The following COL5A3 variants were observed in gnomAD, a reference collection of about 807,000 sequenced individuals.
The protein encoded by COL5A3 is collagen alpha-3(V) chain.
A neutral mutation model predicts 250.0 loss-of-function variants in COL5A3; 172 were observed. The ratio of observed to expected loss-of-function variants is 0.69; its 90% confidence interval spans 0.61 to 0.78. The LOEUF (loss-of-function observed/expected upper bound fraction) is 0.78. Among genes scored for constraint, COL5A3 ranks in the 30% least tolerant of loss-of-function variants. COL5A3 has a pLI of 0.00. For missense variants in COL5A3, 2,340 were observed against 2,334.4 expected (o/e 1.00, Z -0.05); for synonymous variants, 937 against 900.4 (o/e 1.04, Z -0.73).
At position 9,968,740 on chromosome 19, in the gene COL5A3, G is replaced by C. The variant is rs777565023; in HGVS notation, c.4153-12C>G. On this transcript the variant is annotated splice_polypyrimidine_tract_variant and intron_variant, in intron 57 of 66. Transcript: ENST00000264828. The surrounding 1 kb of genome is among the most constrained non-coding windows in gnomAD (Gnocchi z 4.1). ...AGGCCAGAGGGCCCCTGGGAGAAGA[G>C]CAAGGGTCAGTTAGGGATTCTCAAA... 8 of 1,606,736 alleles carry C rather than the reference G, an allele frequency of 5.0e-6. No individual in the cohort carries two copies. The South Asian group carries it at 7.8e-5, about 16-fold the overall frequency.
chr19:9,992,487 G>A lies in COL5A3; in HGVS notation c.1848+340C>T, dbSNP rs1056988682. 4.0e-5 allele frequency among the ~76,000 whole-genome samples: 6 copies of A among 151,794 alleles called. No homozygotes were observed. The South Asian group carries it at 1.0e-3, about 26-fold the overall frequency. ...ATGGACATGCAGAAGGCAGAAAAGCGAGAAAAAAAAGACAGACAGGGGCCA... is the reference window on the plus strand; with the variant it reads ...ATGGACATGCAGAAGGCAGAAAAGCAAGAAAAAAAAGACAGACAGGGGCCA... On this transcript the variant is annotated intron_variant, in intron 21 of 66. Transcript: ENST00000264828.
chr19:9,967,233 G>A, intron 62 of COL5A3, 114 bp downstream of exon 62: 1 of 700,960 alleles, frequency 1.4e-6, no homozygotes, highest in Non-Finnish European at 2.2e-6. Flanking sequence ...TGAACACCTA[G>A]TGTGTGCCTG....
chr19:9,998,296 C>A, intron 8 of COL5A3, 147 bp from the exon 9 acceptor site: 1 of 792,636 alleles, frequency 1.3e-6, no homozygotes, highest in Non-Finnish European at 2.0e-6. Flanking sequence ...CTACTGTAAC[C>A]AATATGCACT....
intron 10 of COL5A3, 21 bp downstream of exon 10, chr19:9,997,963 G>A (rs561003172): frequency 1.9e-6 from 3 of 1,613,876 alleles, no homozygotes; most frequent in South Asian, 1.1e-5. Context: ...ACTGGAAGAA[G>A]GAAACACAGC....
chr19:9,963,580 A>C (rs1368432966), intron 64 of COL5A3, among the ~76,000 whole-genome samples: 1 of 73,290 alleles, frequency 1.4e-5, no homozygotes. Flanking sequence ...GGGCGGGTGG[A>C]GGGGGTCTTT....
intron 31 of COL5A3, among the ~76,000 whole-genome samples, chr19:9,983,740 G>A (rs750336182): frequency 9.9e-5 from 15 of 151,122 alleles, no homozygotes; most frequent in Middle Eastern, 3.4e-3. Context: ...AGAGGGGGAC[G>A]CAGTGAGGGA....
intron 1 of COL5A3, among the ~76,000 whole-genome samples, chr19:10,007,158 G>C (rs2087455752): frequency 7.0e-6 from 1 of 143,634 alleles, no homozygotes; most frequent in Admixed American, 6.9e-5. Context: ...TCTCTCCTCT[G>C]ACTTTCCCCT....
intron 41 of COL5A3, 78 bp from the exon 42 acceptor site, chr19:9,977,779 C>A: frequency 1.7e-6 from 2 of 1,167,618 alleles, no homozygotes; most frequent in Non-Finnish European, 1.2e-6. Context: ...CCACCAGGCA[C>A]TGAGTTCTGA....
At chr19:9,997,466 A>T (rs2087289787) in intron 10 of COL5A3, 33 bp from the exon 11 acceptor site, 1 of 1,498,102 alleles carries the variant, frequency 6.7e-7, no homozygotes, top group Admixed American at 1.9e-5. Flanking sequence ...AGTCACAGGA[A>T]GTGCAAAGTT....
rs758923029 is a variant in COL5A3, at chr19:9,983,657, CAGAA to C, written c.2407-1543_2407-1540del. On this transcript the variant is annotated intron_variant, in intron 31 of 66. Transcript: ENST00000264828. ...AGAGAGAGAGAGAAAGAAAGACAGA[CAGAA>C]AGAAAGAAAGAAAAAAGAAGAAAGA... Among the ~76,000 whole-genome samples the C allele has an allele frequency of 6.5e-3, 721 of 110,236 alleles. 10 individuals carry two copies. Among genetic ancestry groups the C allele is most frequent in the East Asian group, 0.041 (163 of 3,970 alleles). 72.3% of individuals were successfully genotyped at this position (110,236 alleles called of 152,430 possible). A position where few individuals can be genotyped will look rare whatever the true frequency, so the allele number is the denominator to read the frequency against.
At chr19:9,971,170 A>C in intron 52 of COL5A3, 35 bp downstream of exon 52, 1 of 1,524,032 alleles carries the variant, frequency 6.6e-7, no homozygotes, top group Non-Finnish European at 8.8e-7. Flanking sequence ...CAGAATTAGG[A>C]AATATGCCAG....
At chr19:9,988,126 C>T (rs902564202) in intron 27 of COL5A3, among the ~76,000 whole-genome samples, 1 of 151,988 alleles carries the variant, frequency 6.6e-6, no homozygotes, top group Non-Finnish European at 1.5e-5. Context: ...TACCACTACT[C>T]GAGAGGCTGA....
Position 10,001,571 on chromosome 19 carries a change from A to C in COL5A3, c.1063T>G (p.Phe355Val). 6.2e-7 allele frequency: 1 copy of C among 1,614,086 alleles called. No homozygotes were observed. Among genetic ancestry groups the C allele is most frequent in the Non-Finnish European group, 8.5e-7 (1 of 1,179,998 alleles). ...EGDDSTMGPD[F>V]RAAEYPSRTQ... is the part of the protein sequence containing the mutation. ...CGAGATGGATATTCTGCTGCCCGGA[A>C]GTCAGGGCCCATGGTGGAATCATCT... Residue 355 changes from phenylalanine (F) to valine (V), a missense_variant, in exon 8 of 67, where the codon TTC becomes GTC. By Grantham distance (50) the Phe-to-Val change is conservative. Coordinates refer to ENST00000264828, the MANE Select transcript of COL5A3 (RefSeq NM_015719.4).
chr19:9,998,251 CA>C, intron 8 of COL5A3, 102 bp from the exon 9 acceptor site: 1 of 1,157,132 alleles, frequency 8.6e-7, no homozygotes, highest in Non-Finnish European at 1.2e-6. Context: ...CACACACACA[CA>C]CACACGGAGT....
chr19:9,980,015 G>A lies in COL5A3; in HGVS notation c.2637C>T (p.Phe879=), dbSNP rs1326400883. ...GLPGLQGPPG[F]PGPKGPPGHQ... is the part of the protein sequence containing the mutation. The stretch of plus-strand genomic sequence containing the variant: ...TCACAGGGGGGCCCTTTGGCCCAGG[G>A]AATCCTGGAGGGCCTTGCAGACCAG... Residue 879 remains phenylalanine (F), a synonymous_variant, in exon 36 of 67, where the codon TTC becomes TTT. Transcript: ENST00000264828. 6.3e-7 allele frequency: 1 copy of A among 1,589,240 alleles called. No individual in the cohort carries two copies. Among genetic ancestry groups the A allele is most frequent in the Admixed American group, 2.0e-5 (1 of 51,266 alleles).
In COL5A3 at chr19:10,010,298, C is replaced by A. The variant is rs1467721341; in HGVS notation, c.88G>T (p.Asp30Tyr). 3 of 1,441,088 alleles carry A rather than the reference C, an allele frequency of 2.1e-6. No individual in the cohort carries two copies. Among genetic ancestry groups the A allele is most frequent in the Middle Eastern group, 3.9e-4 (2 of 5,112 alleles). The allele number at this position is 1,441,088 out of a possible 1,614,324, so 89.3% of individuals were successfully genotyped here. A position where few individuals can be genotyped will look rare whatever the true frequency, so the allele number is the denominator to read the frequency against. The change falls in exon 1 of 67, where the codon GAT becomes TAT. Residue 30 changes from aspartate to tyrosine, a missense_variant and splice_region_variant. Physicochemically the swap from Asp to Tyr is radical, Grantham distance 160. This residue lies in a region of COL5A3 where 1,152 missense variants were observed against 1,146.3 expected (regional missense o/e 1.00). Coordinates refer to ENST00000264828, the MANE Select transcript of COL5A3 (RefSeq NM_015719.4). ...ALQLLPGTQA[D>Y]PVDVLKALGV... ...TCCCATCTCTTCCCTCCCGGCTCAC[C>A]GGCCTGCGTCCCCGGCAGAAGCTGC...
At position 9,967,329 on chromosome 19, in the gene COL5A3, G is replaced by GCC. The variant is rs148984679; in HGVS notation, c.4458+16_4458+17dup. On this transcript the variant is annotated intron_variant, in intron 62 of 66. Coordinates refer to ENST00000264828, the MANE Select transcript of COL5A3 (RefSeq NM_015719.4). Reference sequence around the variant, plus strand: ...CCCAGGTTTTGGTGTCCATTCCCCCGCCCCCCGGGGAACTCACCGGGGGGC... The same window carrying GCC: ...CCCAGGTTTTGGTGTCCATTCCCCCGCCCCCCCCGGGGAACTCACCGGGGGGC... 3,600 of 1,414,024 alleles carry GCC rather than the reference G, an allele frequency of 2.5e-3. 79 individuals carry two copies. The African/African-American group carries it at 0.047, about 18-fold the overall frequency. 87.6% of individuals were successfully genotyped at this position (1,414,024 alleles called of 1,614,324 possible).
At chr19:9,993,136 G>A in intron 19 of COL5A3, 69 bp from the exon 20 acceptor site, 1 of 1,524,532 alleles carries the variant, frequency 6.6e-7, no homozygotes, top group Non-Finnish European at 9.0e-7. Flanking sequence ...CCCTCATCTG[G>A]GCAGCCCCTT....
intron 1 of COL5A3, among the ~76,000 whole-genome samples, chr19:10,007,262 CT>C (rs1216395065): frequency 2.6e-5 from 4 of 152,154 alleles, no homozygotes; most frequent in African/African-American, 7.2e-5. Context: ...TGACTACCCC[CT>C]GACCTTCTCC....
Sources: gnomAD v4.1 joint callset for allele counts (sites outside exome capture counted in the v4.1 genomes callset) on GRCh38, gnomAD v4.1.1 for gene constraint, gnomAD v4.1.1 regional missense constraint, Gnocchi (gnomAD v3.1) non-coding constraint, MANE v1.5 for transcripts, NCBI Gene and HGNC (gene_info 2026-07-23, HGNC 2026-07-21) for gene names.